ACOXL: variants seen among roughly 807,000 people sequenced by gnomAD.
ACOXL encodes the protein acyl-CoA oxidase like.
Under a neutral mutation model 71.9 loss-of-function variants are expected in ACOXL, and 70 were observed. The observed-to-expected ratio is 0.97, with a 90% CI of 0.80 to 1.19. The LOEUF is 1.19. Among genes scored for constraint, ACOXL ranks in the 50% most tolerant of loss-of-function variants. The pLI is 0.00. For missense variants in ACOXL, 703 were observed against 736.3 expected (o/e 0.95, Z 0.52); for synonymous variants, 253 against 281.6 (o/e 0.90, Z 1.02).
At chr2:110,957,368 T>A (rs1268778216) in intron 12 of ACOXL, among the ~76,000 whole-genome samples, 1 of 152,240 alleles carries the variant, frequency 6.6e-6, no homozygotes, top group Non-Finnish European at 1.5e-5. Flanking sequence ...TAACATTGAT[T>A]TATCTCTGGT....
intron 12 of ACOXL, among the ~76,000 whole-genome samples, chr2:110,977,157 T>C (rs997311780): frequency 3.3e-5 from 5 of 151,972 alleles, no homozygotes; most frequent in Non-Finnish European, 7.4e-5. Flanking sequence ...GAGGCCGAGG[T>C]GGGCGGATCA....
intron 17 of ACOXL, among the ~76,000 whole-genome samples, chr2:111,103,453 C>CT (rs2069315289): frequency 6.6e-6 from 1 of 152,182 alleles, no homozygotes; most frequent in Non-Finnish European, 1.5e-5. Context: ...TCCTGGACAG[C>CT]TAGTCATTCA....
At chr2:111,089,029 G>A (rs1174362629) in intron 16 of ACOXL, among the ~76,000 whole-genome samples, 2 of 152,106 alleles carry the variant, frequency 1.3e-5, no homozygotes, top group African/African-American at 4.8e-5. Flanking sequence ...ACCCAGGCAC[G>A]GTGGCTCACG....
chr2:110,984,125 C>T (rs1239924384), intron 12 of ACOXL, among the ~76,000 whole-genome samples: 4 of 152,108 alleles, frequency 2.6e-5, no homozygotes, highest in Admixed American at 6.5e-5. Context: ...GGATTACAGG[C>T]GTGCACCACT....
At chr2:110,939,427 C>T (rs2060788321) in intron 12 of ACOXL, among the ~76,000 whole-genome samples, 1 of 152,150 alleles carries the variant, frequency 6.6e-6, no homozygotes, top group Admixed American at 6.5e-5. Context: ...TTAGAACCCC[C>T]CTAATTTACC....
At chr2:110,846,897 A>G (rs937539722) in intron 10 of ACOXL, among the ~76,000 whole-genome samples, 6 of 152,314 alleles carry the variant, frequency 3.9e-5, no homozygotes, top group Admixed American at 1.3e-4. Context: ...TAAATGTACC[A>G]AGCAAGGAGA....
intron 10 of ACOXL, among the ~76,000 whole-genome samples, chr2:110,871,327 A>G (rs1031089315): frequency 6.6e-6 from 1 of 152,186 alleles, no homozygotes; most frequent in African/African-American, 2.4e-5. Context: ...ATTTGGAAAT[A>G]GGACCATGAT....
At chr2:110,911,718 C>T (rs577118135) in intron 11 of ACOXL, among the ~76,000 whole-genome samples, 51 of 152,072 alleles carry the variant, frequency 3.4e-4, no homozygotes, top group African/African-American at 1.0e-3. Flanking sequence ...TTTCTTTACC[C>T]GATTAAAGTC....
chr2:111,068,168 C>G (rs2067162585), intron 16 of ACOXL, among the ~76,000 whole-genome samples: 1 of 152,212 alleles, frequency 6.6e-6, no homozygotes, highest in African/African-American at 2.4e-5. Context: ...ATCTATGGAT[C>G]AGAATCTCAA....
At chr2:110,982,565 T>C (rs2062756061) in intron 12 of ACOXL, among the ~76,000 whole-genome samples, 1 of 152,188 alleles carries the variant, frequency 6.6e-6, no homozygotes. Context: ...AAATGCATGA[T>C]GGTGGAAAAT....
intron 15 of ACOXL, among the ~76,000 whole-genome samples, chr2:111,042,091 C>T (rs1247499766): frequency 1.3e-5 from 2 of 152,190 alleles, no homozygotes; most frequent in African/African-American, 4.8e-5. Context: ...AACCAGTTCT[C>T]CACATTTCAC....
Position 111,117,886 on chromosome 2 carries a change from T to A in ACOXL, c.*70T>A, listed in dbSNP as rs947362527. The A allele has an allele frequency of 2.4e-5, 35 of 1,478,934 alleles. No homozygotes were observed. Among genetic ancestry groups the A allele is most frequent in the Non-Finnish European group, 4.5e-6 (5 of 1,110,464 alleles). 91.6% of individuals were successfully genotyped at this position (1,478,934 alleles called of 1,614,324 possible). A position where few individuals can be genotyped will look rare whatever the true frequency, so the allele number is the denominator to read the frequency against. ...CGCTCGCTCCACCGACGCCCAGAGCTGTGGCCGAGGCCGGGGGCTGGCACC... is the reference window on the plus strand; with the variant it reads ...CGCTCGCTCCACCGACGCCCAGAGCAGTGGCCGAGGCCGGGGGCTGGCACC... On this transcript the variant is annotated 3_prime_UTR_variant, in exon 18 of 18. Coordinates refer to ENST00000439055, the MANE Select transcript of ACOXL (RefSeq NM_001142807.4).
chr2:111,093,236 A>G (rs1263117485), intron 17 of ACOXL, among the ~76,000 whole-genome samples: 1 of 152,094 alleles, frequency 6.6e-6, no homozygotes, highest in African/African-American at 2.4e-5. Context: ...CAAAAAAAAA[A>G]AAAAAAAAGT....
At chr2:111,085,717 A>G (rs963451020) in intron 16 of ACOXL, among the ~76,000 whole-genome samples, 6 of 152,186 alleles carry the variant, frequency 3.9e-5, no homozygotes, top group African/African-American at 1.4e-4. Context: ...AAGACAGGAA[A>G]TAACCAAAAT....
chr2:111,039,230 A>G (rs772419165), intron 15 of ACOXL, among the ~76,000 whole-genome samples: 6 of 152,330 alleles, frequency 3.9e-5, no homozygotes, highest in Non-Finnish European at 7.4e-5. Context: ...AGAGATAAAA[A>G]CATCATTTTT....
chr2:111,031,201 T>G (rs17041789), intron 14 of ACOXL, among the ~76,000 whole-genome samples: 3,244 of 152,246 alleles, frequency 0.021, 119 homozygotes, highest in African/African-American at 0.074. Flanking sequence ...GAGAAACACT[T>G]TGGAAACAAA....
At position 110,753,327 on chromosome 2, in the gene ACOXL, TA is replaced by T. The variant is rs549311368; in HGVS notation, c.-22-15038del. 1.5e-3 allele frequency among the ~76,000 whole-genome samples: 227 copies of T among 152,352 alleles called. 1 individual carries two copies. The highest frequency in any genetic ancestry group is 3.7e-3 in the African/African-American group (152 of 41,590). On this transcript the variant is annotated intron_variant, in intron 1 of 17. Coordinates refer to ENST00000439055, the MANE Select transcript of ACOXL (RefSeq NM_001142807.4). ...GAGCCAAATAAACCTCTTTTATTTATAAATTACCCAGTCTCAGATGTTCCTC... is the reference window on the plus strand; with the variant it reads ...GAGCCAAATAAACCTCTTTTATTTATAATTACCCAGTCTCAGATGTTCCTC...
intron 10 of ACOXL, among the ~76,000 whole-genome samples, chr2:110,875,559 T>C (rs1695801006): frequency 1.3e-5 from 2 of 152,280 alleles, no homozygotes; most frequent in South Asian, 4.1e-4. Flanking sequence ...TCCTGGTGTT[T>C]GGGTGCACAA....
chr2:110,781,160 T>A (rs776156644), intron 2 of ACOXL, among the ~76,000 whole-genome samples: 6 of 152,158 alleles, frequency 3.9e-5, no homozygotes, highest in Non-Finnish European at 8.8e-5. Flanking sequence ...GTTACACAGG[T>A]AGATAATTGA....
Sources: gnomAD v4.1 joint callset for allele counts (sites outside exome capture counted in the v4.1 genomes callset) on GRCh38, gnomAD v4.1.1 for gene constraint, MANE v1.5 for transcripts, NCBI Gene and HGNC (gene_info 2026-07-23, HGNC 2026-07-21) for gene names.